The following ZFP1 variants were observed in gnomAD, a reference collection of about 807,000 sequenced individuals.
The protein encoded by ZFP1 is zinc finger protein 1 homolog.
ZFP1 carries 32 observed loss-of-function variants against 38.5 expected under a neutral mutation model. The ratio of observed to expected loss-of-function variants is 0.83; its 90% confidence interval spans 0.63 to 1.12. The LOEUF (loss-of-function observed/expected upper bound fraction) is 1.12, where lower values mean the gene tolerates loss of function less well. Among genes scored for constraint, ZFP1 ranks in the 50% most tolerant of loss-of-function variants. The pLI is 0.00. For synonymous variants in ZFP1, 245 were observed against 168.8 expected, an observed-to-expected ratio of 1.45 and a Z score of -3.50; for missense variants, 616 against 480.8, an observed-to-expected ratio of 1.28 and a Z score of -2.63.
intron 2 of ZFP1, among the ~76,000 whole-genome samples, chr16:75,164,908 C>T (rs562474103): frequency 1.3e-5 from 2 of 152,052 alleles, no homozygotes; most frequent in African/African-American, 2.4e-5. Flanking sequence ...TGGGTTCAAG[C>T]GATTCTCCTG....
the ZFP1 span, among the ~76,000 whole-genome samples, chr16:75,129,912 A>G: frequency 6.6e-6 from 1 of 152,248 alleles, no homozygotes; most frequent in Non-Finnish European, 1.5e-5. Flanking sequence ...AGTGGGAACA[A>G]AAGGAAGGAA....
chr16:75,156,030 G>C (rs1289950399), intron 2 of ZFP1, among the ~76,000 whole-genome samples: 1 of 152,154 alleles, frequency 6.6e-6, no homozygotes, highest in African/African-American at 2.4e-5. Context: ...ACACTAGCTA[G>C]TGTTAGCTAA....
At chr16:75,156,973 C>T (rs1425229004) in intron 2 of ZFP1, among the ~76,000 whole-genome samples, 1 of 152,200 alleles carries the variant, frequency 6.6e-6, no homozygotes, top group African/African-American at 2.4e-5. Context: ...TTGTTGATGA[C>T]AACCCTCAGA....
At chr16:75,164,875 G>C (rs1309717678) in intron 2 of ZFP1, among the ~76,000 whole-genome samples, 1 of 151,672 alleles carries the variant, frequency 6.6e-6, no homozygotes, top group African/African-American at 2.4e-5. Flanking sequence ...GCACGATCTC[G>C]ACTTACCGCA....
intron 3 of ZFP1, among the ~76,000 whole-genome samples, chr16:75,168,032 G>T (rs1305997182): frequency 2.0e-5 from 3 of 152,062 alleles, no homozygotes; most frequent in Non-Finnish European, 4.4e-5. Context: ...TTATACTCCA[G>T]CCTGGGCAAC....
chr16:75,133,202 C>A, the ZFP1 span, among the ~76,000 whole-genome samples: 1 of 152,280 alleles, frequency 6.6e-6, no homozygotes, highest in South Asian at 2.1e-4. Flanking sequence ...GTCTCGAACT[C>A]CTGACCTCCG....
At chr16:75,164,855 G>T (rs1403294544) in intron 2 of ZFP1, among the ~76,000 whole-genome samples, 3 of 151,960 alleles carry the variant, frequency 2.0e-5, no homozygotes, top group East Asian at 3.9e-4. Context: ...GCACAGGATG[G>T]AGTGCAATGG....
chr16:75,133,773 G>T, the ZFP1 span, among the ~76,000 whole-genome samples: 61 of 152,334 alleles, frequency 4.0e-4, no homozygotes, highest in African/African-American at 1.3e-3. Flanking sequence ...CTTCTGCCAG[G>T]CATGGTAACT....
At position 75,169,583 on chromosome 16, in the gene ZFP1, A is replaced by G. The variant is rs757987840; in HGVS notation, c.473A>G (p.Tyr158Cys). ...KTHSGVEYSE[Y>C]NKSGKALSHK... ...CACAGTGGAGTAGAATATTCTGAAT[A>G]CAATAAAAGTGGAAAAGCCCTCAGC... The change falls in exon 4 of 4, where the codon TAC (tyrosine) becomes TGC (cysteine). Residue 158 changes from tyrosine to cysteine, a missense_variant. Coordinates refer to ENST00000570010, the MANE Select transcript of ZFP1 (RefSeq NM_153688.4). The G allele has an allele frequency of 6.9e-6, 11 of 1,596,990 alleles. No homozygotes were observed. The highest frequency in any genetic ancestry group is 9.4e-6 in the Non-Finnish European group (11 of 1,175,818).
chr16:75,153,674 T>A (rs1209959433), intron 2 of ZFP1, among the ~76,000 whole-genome samples: 1 of 152,172 alleles, frequency 6.6e-6, no homozygotes, highest in Non-Finnish European at 1.5e-5. Context: ...TAATGTATAT[T>A]GTTACAGTTG....
chr16:75,147,234 A>G (rs2036962949), upstream of ZFP1, among the ~76,000 whole-genome samples: 1 of 152,128 alleles, frequency 6.6e-6, no homozygotes, highest in Non-Finnish European at 1.5e-5. Context: ...AGAATGTACA[A>G]CATCAAGTGA....
At chr16:75,165,981 G>A (rs553145882) in intron 2 of ZFP1, among the ~76,000 whole-genome samples, 1 of 152,166 alleles carries the variant, frequency 6.6e-6, no homozygotes, top group South Asian at 2.1e-4. Context: ...ATTCTGGCCT[G>A]TTAAATTCAA....
intron 2 of ZFP1, among the ~76,000 whole-genome samples, chr16:75,161,611 C>T (rs1291852820): frequency 1.3e-5 from 2 of 150,470 alleles, no homozygotes; most frequent in African/African-American, 4.9e-5. Flanking sequence ...TTACTTGTAA[C>T]CTATTCTCTC....
chr16:75,151,604 C>T (rs182545974), intron 1 of ZFP1, among the ~76,000 whole-genome samples: 4 of 152,164 alleles, frequency 2.6e-5, no homozygotes, highest in Admixed American at 1.3e-4. Context: ...CATTATACTC[C>T]CAATTTCATC....
the ZFP1 span, among the ~76,000 whole-genome samples, chr16:75,135,147 G>A: frequency 2.2e-5 from 3 of 137,434 alleles, no homozygotes; most frequent in Admixed American, 8.1e-5. Context: ...GAGTTACAGC[G>A]TGCAATGAGC....
Position 75,165,747 on chromosome 16 carries a change from T to C in ZFP1, c.16-1023T>C, listed in dbSNP as rs958399107. ...TTTTTTTTTAATGTACTTATTGTACTTGGGGTTGCTGGTTTTAAAACTATA... is the reference window on the plus strand; with the variant it reads ...TTTTTTTTTAATGTACTTATTGTACCTGGGGTTGCTGGTTTTAAAACTATA... On this transcript the variant is annotated intron_variant, in intron 2 of 3. Coordinates refer to ENST00000570010, the MANE Select transcript of ZFP1 (RefSeq NM_153688.4). Among the ~76,000 whole-genome samples the C allele has an allele frequency of 5.3e-5, 8 of 152,158 alleles. 1 individual carries two copies. The highest frequency in any genetic ancestry group is 2.6e-4 in the Admixed American group (4 of 15,278).
In ZFP1 at chr16:75,169,423, A is replaced by C; in HGVS notation, c.313A>C (p.Lys105Gln). The C allele has an allele frequency of 6.2e-7, 1 of 1,613,452 alleles. No homozygotes were observed. The highest frequency in any genetic ancestry group is 8.5e-7 in the Non-Finnish European group (1 of 1,179,870). Residue 105 changes from lysine (K) to glutamine (Q), a missense_variant, in exon 4 of 4, where the codon AAA becomes CAA. By Grantham distance (53) the Lys-to-Gln change is moderately conservative (BLOSUM62 1). Coordinates refer to ENST00000570010, the MANE Select transcript of ZFP1 (RefSeq NM_153688.4). ...DFVSLRQVPY[K>Q]YDLYEKTLKY... Reference sequence around the variant, plus strand: ...TGTTTCTTTAAGACAAGTACCTTATAAATATGACTTATATGAAAAAACTTT... The same window carrying C: ...TGTTTCTTTAAGACAAGTACCTTATCAATATGACTTATATGAAAAAACTTT...
the ZFP1 span, among the ~76,000 whole-genome samples, chr16:75,135,260 C>CAAAAAGTGAAACGATAAACCAACTGTA: frequency 7.7e-6 from 1 of 130,124 alleles, no homozygotes. Context: ...AGAGATCCTT[C>CAAAAAGTGAAACGATAAACCAACTGTA]ACTCATTCAT....
the ZFP1 span, among the ~76,000 whole-genome samples, chr16:75,136,065 C>G: frequency 7.5e-3 from 1,142 of 152,356 alleles, 17 homozygotes; most frequent in African/African-American, 0.026. Flanking sequence ...ATCCACCCAC[C>G]TCTGTCTCCC....
Sources: allele counts gnomAD v4.1 joint callset (sites outside exome capture counted in the v4.1 genomes callset), GRCh38; gene constraint gnomAD v4.1.1; transcripts MANE v1.5; gene names NCBI Gene and HGNC (gene_info 2026-07-23, HGNC 2026-07-21).